SAMM50: variants seen among roughly 807,000 people sequenced by gnomAD.
SAMM50 encodes sorting and assembly machinery component 50 homolog.
A neutral mutation model predicts 66.9 loss-of-function variants in SAMM50; 47 were observed. That is an observed-to-expected ratio of 0.70 (90% CI 0.56 to 0.90). SAMM50 has a LOEUF of 0.90. Ranked by LOEUF, SAMM50 falls within the 40% of genes least tolerant of loss-of-function variation. The pLI is 0.00. For missense variants in SAMM50, 535 were observed against 595.3 expected (o/e 0.90, Z 1.05); for synonymous variants, 191 against 214.1 (o/e 0.89, Z 0.94).
intron 9 of SAMM50, 64 bp from the exon 10 acceptor site, chr22:43,977,808 T>A: frequency 9.0e-7 from 1 of 1,106,630 alleles, no homozygotes; most frequent in South Asian, 1.4e-5. Context: ...TGCAAAAACA[T>A]GATTCTGTAG....
chr22:43,967,406 T>C (rs2050179013), intron 3 of SAMM50, among the ~76,000 whole-genome samples: 1 of 152,276 alleles, frequency 6.6e-6, no homozygotes, highest in African/African-American at 2.4e-5. Flanking sequence ...TGTTCAGCGC[T>C]AGCCCAGTGC....
At chr22:43,965,225 A>G (rs1190630471) in intron 3 of SAMM50, among the ~76,000 whole-genome samples, 2 of 146,082 alleles carry the variant, frequency 1.4e-5, no homozygotes, top group Non-Finnish European at 3.0e-5. Context: ...AATTTTTTTT[A>G]GATAGGGTCT....
At chr22:43,963,917 A>ATTTATTTATTTTT (rs1569025181) in intron 2 of SAMM50, among the ~76,000 whole-genome samples, 14 of 150,220 alleles carry the variant, frequency 9.3e-5, no homozygotes, top group African/African-American at 3.5e-4. Flanking sequence ...TATTTTTAAA[A>ATTTATTTATTTTT]TTTTTTTTGA....
At chr22:43,992,155 T>A (rs1191619445) in intron 14 of SAMM50, among the ~76,000 whole-genome samples, 1 of 152,224 alleles carries the variant, frequency 6.6e-6, no homozygotes, top group Non-Finnish European at 1.5e-5. Flanking sequence ...TTGTGCCAGT[T>A]GAAGGAAATG....
chr22:43,983,355 A>G lies in SAMM50; in HGVS notation c.1008-578A>G, dbSNP rs1048400543. ...CAGAAAGTGGATGGGTTTTTATGTA[A>G]TTAATTTTTAATTCACGCTTTTCAT... On this transcript the variant is annotated intron_variant, in intron 11 of 14. Transcript: ENST00000350028. The surrounding 1 kb of genome is among the most constrained non-coding windows in gnomAD (Gnocchi z 4.2). 2.0e-5 allele frequency among the ~76,000 whole-genome samples: 3 copies of G among 152,212 alleles called. No homozygotes were observed. The highest frequency in any genetic ancestry group is 2.9e-5 in the Non-Finnish European group (2 of 68,038).
rs556789427 is a variant in SAMM50 at position 43,972,265 on chromosome 22, G to A, written c.352G>A (p.Val118Ile). The A allele has an allele frequency of 3.6e-5, 57 of 1,601,354 alleles. No individual in the cohort carries two copies. The highest frequency in any genetic ancestry group is 4.3e-5 in the Non-Finnish European group (51 of 1,176,146). The change falls in exon 5 of 15, where the codon GTT (valine) becomes ATT (isoleucine). Residue 118 changes from valine to isoleucine, a missense_variant. Physicochemically the swap from Val to Ile is conservative, Grantham distance 29. Coordinates refer to ENST00000350028, the MANE Select transcript of SAMM50 (RefSeq NM_015380.5). ...TGACGCACTTCCAAATGGGTTAGACGTTACCTTTGAAGTAACTGAATTGAG... is the reference window on the plus strand; with the variant it reads ...TGACGCACTTCCAAATGGGTTAGACATTACCTTTGAAGTAACTGAATTGAG... ...GDDALPNGLD[V>I]TFEVTELRRL...
At chr22:43,989,304 A>G (rs377611541) in intron 13 of SAMM50, 47 bp downstream of exon 13, 44 of 1,586,310 alleles carry the variant, frequency 2.8e-5, no homozygotes, top group Non-Finnish European at 3.6e-5. Context: ...AGTTGTTTTC[A>G]TGTTTAAAAG....
intron 1 of SAMM50, among the ~76,000 whole-genome samples, chr22:43,957,526 G>T (rs544554967): frequency 2.1e-4 from 32 of 151,670 alleles, no homozygotes; most frequent in Admixed American, 3.3e-4. Context: ...AGGTTCAAGC[G>T]ATTCTCCTGC....
At chr22:43,984,185 G>A (rs2050279672) in intron 12 of SAMM50, among the ~76,000 whole-genome samples, 185 bp downstream of exon 12, 1 of 152,206 alleles carries the variant, frequency 6.6e-6, no homozygotes, top group Admixed American at 6.5e-5. Flanking sequence ...GTAGGAAAAT[G>A]AGAAAATATA....
chr22:43,969,442 T>C (rs1384460374), intron 4 of SAMM50, among the ~76,000 whole-genome samples: 1 of 152,090 alleles, frequency 6.6e-6, no homozygotes, highest in Non-Finnish European at 1.5e-5. Flanking sequence ...CTCCTCCTGA[T>C]GGGCTTCGGT....
intron 13 of SAMM50, among the ~76,000 whole-genome samples, chr22:43,989,917 G>C (rs1488909157): frequency 1.3e-5 from 2 of 152,194 alleles, no homozygotes; most frequent in Non-Finnish European, 2.9e-5. Context: ...TGCTAGGGGT[G>C]CCTGGAAAGC....
At chr22:43,990,501 C>T (rs1944732103) in intron 14 of SAMM50, 95 bp downstream of exon 14, 3 of 1,233,254 alleles carry the variant, frequency 2.4e-6, no homozygotes, top group Non-Finnish European at 3.5e-6. Context: ...GGCTTTTAAG[C>T]TTGAAGATTT....
At chr22:43,975,936 T>C (rs2050229003) in intron 7 of SAMM50, 119 bp from the exon 8 acceptor site, 1 of 1,030,362 alleles carries the variant, frequency 9.7e-7, no homozygotes, top group Non-Finnish European at 1.4e-6. Context: ...CTCTCTCTCA[T>C]CATTAAAAAA....
intron 13 of SAMM50, 34 bp downstream of exon 13, chr22:43,989,291 T>A: frequency 2.5e-6 from 4 of 1,609,122 alleles, no homozygotes. Context: ...ACCATTGTAG[T>A]ACAGTTGTTT....
intron 1 of SAMM50, chr22:43,957,307 G>A: frequency 1.6e-6 from 1 of 641,252 alleles, no homozygotes; most frequent in South Asian, 1.9e-5. Context: ...TAAGGCTGTT[G>A]GACACAGAAT....
intron 14 of SAMM50, 197 bp from the exon 15 acceptor site, chr22:43,996,138 AACC>A: frequency 2.9e-6 from 2 of 685,780 alleles, no homozygotes; most frequent in Admixed American, 4.4e-5. Context: ...CCGAGGGCTT[AACC>A]AGCTGGTGAA....
At chr22:43,993,039 A>G (rs16991301) in intron 14 of SAMM50, among the ~76,000 whole-genome samples, 5,806 of 152,306 alleles carry the variant, frequency 0.038, 151 homozygotes, top group Non-Finnish European at 0.063. Context: ...TGAAGCCCTT[A>G]TTCCCTCTGC....
At chr22:43,992,057 T>C (rs2050327532) in intron 14 of SAMM50, among the ~76,000 whole-genome samples, 1 of 152,228 alleles carries the variant, frequency 6.6e-6, no homozygotes, top group African/African-American at 2.4e-5. Context: ...CCAGCCTGTT[T>C]TTTCTCTTCA....
intron 14 of SAMM50, among the ~76,000 whole-genome samples, chr22:43,994,110 C>T (rs1023535093): frequency 1.2e-4 from 18 of 152,310 alleles, no homozygotes; most frequent in African/African-American, 4.1e-4. Flanking sequence ...CCCCCTGGAG[C>T]AGGTCCCTGA....
Sources: allele counts gnomAD v4.1 joint callset (sites outside exome capture counted in the v4.1 genomes callset), GRCh38; gene constraint gnomAD v4.1.1; non-coding constraint Gnocchi (gnomAD v3.1); transcripts MANE v1.5; gene names NCBI Gene and HGNC (gene_info 2026-07-23, HGNC 2026-07-21).